The following FRAS1 variants were observed in gnomAD, a reference collection of about 807,000 sequenced individuals.
FRAS1 encodes the protein extracellular matrix organizing protein FRAS1.
Under a neutral mutation model 435.2 loss-of-function variants are expected in FRAS1, and 290 were observed. The ratio of observed to expected loss-of-function variants is 0.67; its 90% CI spans 0.61 to 0.73. FRAS1 has a LOEUF of 0.73. Among genes scored for constraint, FRAS1 ranks in the 30% least tolerant of loss-of-function variants. FRAS1 has a pLI of 0.00. For synonymous variants in FRAS1, 1,800 were observed against 1,851.0 expected, an observed-to-expected ratio of 0.97 and a Z score of 0.71; for missense variants, 4,860 against 5,001.5, an observed-to-expected ratio of 0.97 and a Z score of 0.85.
intron 10 of FRAS1, among the ~76,000 whole-genome samples, chr4:78,279,680 A>T (rs886880052): frequency 6.6e-6 from 1 of 152,144 alleles, no homozygotes; most frequent in African/African-American, 2.4e-5. Context: ...AAGGAAATAT[A>T]TTTATCTTAA....
At chr4:78,372,968 C>A in intron 24 of FRAS1, 110 bp downstream of exon 24, 1 of 1,257,000 alleles carries the variant, frequency 8.0e-7, no homozygotes, top group African/African-American at 1.5e-5. Flanking sequence ...CTTTTTACCC[C>A]ATTTCTGGTT....
intron 2 of FRAS1, among the ~76,000 whole-genome samples, chr4:78,231,814 T>C (rs1385569769): frequency 6.6e-6 from 1 of 152,072 alleles, no homozygotes; most frequent in Non-Finnish European, 1.5e-5. Flanking sequence ...CTTTGAAGTA[T>C]TTGGGGATGG....
chr4:78,271,979 C>G (rs1297585721), intron 9 of FRAS1, among the ~76,000 whole-genome samples: 3 of 152,244 alleles, frequency 2.0e-5, no homozygotes, highest in South Asian at 4.2e-4. Context: ...AGCACCTGTT[C>G]TTTCCTGACT....
intron 2 of FRAS1, among the ~76,000 whole-genome samples, chr4:78,143,067 C>T (rs1720260281): frequency 6.6e-6 from 1 of 151,996 alleles, no homozygotes; most frequent in Non-Finnish European, 1.5e-5. Context: ...CAAAGTTTAT[C>T]AGATTGGAAA....
At chr4:78,361,042 G>A (rs184626671) in intron 20 of FRAS1, among the ~76,000 whole-genome samples, 1 of 152,346 alleles carries the variant, frequency 6.6e-6, no homozygotes, top group East Asian at 1.9e-4. Flanking sequence ...CTTTAAAGAG[G>A]ATAGGCCATG....
At position 78,286,372 on chromosome 4, in the gene FRAS1, C is replaced by T. The variant is rs369822551; in HGVS notation, c.1400-33C>T. 3.3e-5 allele frequency: 54 copies of T among 1,612,054 alleles called. No individual in the cohort carries two copies. The African/African-American group carries it at 4.1e-4, about 12-fold the overall frequency. On this transcript the variant is annotated intron_variant, in intron 13 of 73. Coordinates refer to ENST00000512123, the MANE Select transcript of FRAS1 (RefSeq NM_025074.7). Reference sequence around the variant, plus strand: ...GTGTCTTTCAGCTAATCAAATGGTTCCTTTCTCTTTCTTCAACATTATCTG... The same window carrying T: ...GTGTCTTTCAGCTAATCAAATGGTTTCTTTCTCTTTCTTCAACATTATCTG...
intron 16 of FRAS1, among the ~76,000 whole-genome samples, chr4:78,316,967 G>C (rs1729283306): frequency 6.6e-6 from 1 of 151,928 alleles, no homozygotes; most frequent in South Asian, 2.1e-4. Context: ...GGTCCAGACA[G>C]ACCTAGGGCT....
chr4:78,497,216 A>AAGGTGCACATTAAAAAAT (rs1720533460), intron 60 of FRAS1, among the ~76,000 whole-genome samples: 2 of 152,158 alleles, frequency 1.3e-5, no homozygotes, highest in South Asian at 4.1e-4. Flanking sequence ...AAAAGCTGAG[A>AAGGTGCACATTAAAAAAT]CAGAAATGCT....
At chr4:78,208,166 A>G (rs1723342326) in intron 2 of FRAS1, among the ~76,000 whole-genome samples, 1 of 152,072 alleles carries the variant, frequency 6.6e-6, no homozygotes, top group Non-Finnish European at 1.5e-5. Flanking sequence ...TGATAGACCA[A>G]CTGGGCGGGT....
At position 78,068,640 on chromosome 4, in the gene FRAS1, G is replaced by A. The variant is rs1370789533; in HGVS notation, c.108+2624G>A. The stretch of plus-strand genomic sequence containing the variant: ...AATTAAACTGCTGAAATGAGAGTGT[G>A]CTTGTTTCCAGGGAAACTATATTAA... On this transcript the variant is annotated intron_variant, in intron 2 of 73. Coordinates refer to ENST00000512123, the MANE Select transcript of FRAS1 (RefSeq NM_025074.7). 8.8e-6 allele frequency: 4 copies of A among 455,868 alleles called. No homozygotes were observed. In the Admixed American group the frequency reaches 9.4e-5, roughly 11 times the overall value. The allele number at this position is 455,868 out of a possible 1,614,324, so 28.2% of individuals were successfully genotyped here. A position where few individuals can be genotyped will look rare whatever the true frequency, so the allele number is the denominator to read the frequency against.
Position 78,522,782 on chromosome 4 carries a change from C to A in FRAS1, c.10782C>A (p.Leu3594=). 6.2e-7 allele frequency: 1 copy of A among 1,611,382 alleles called. No individual in the cohort carries two copies. Among genetic ancestry groups the A allele is most frequent in the East Asian group, 2.2e-5 (1 of 44,754 alleles). The change falls in exon 69 of 74, where the codon CTC becomes CTA. Residue 3594 remains leucine, a synonymous_variant. Transcript: ENST00000512123. ...SAQTFDSPHQ[L]WRATSSYNRK... ...AGACTTTTGATTCTCCACATCAACTCTGGAGAGCCACAAGCTCTTATAACA... is the reference window on the plus strand; with the variant it reads ...AGACTTTTGATTCTCCACATCAACTATGGAGAGCCACAAGCTCTTATAACA...
chr4:78,249,066 T>TATATATATATATATGC lies in FRAS1; in HGVS notation c.310-3312_310-3311insGCATATATATATATAT, dbSNP rs1164447104. Among the ~76,000 whole-genome samples, 32 of 97,298 alleles carry TATATATATATATATGC rather than the reference T, an allele frequency of 3.3e-4. 1 individual carries two copies. Among genetic ancestry groups the TATATATATATATATGC allele is most frequent in the Non-Finnish European group, 4.8e-4 (22 of 45,904 alleles). The allele number at this position is 97,298 out of a possible 152,430, so 63.8% of individuals were successfully genotyped here. On this transcript the variant is annotated intron_variant, in intron 4 of 73. Transcript: ENST00000512123. Reference sequence around the variant, plus strand: ...AACTACTGATATATATATATATGCATATATATATATATATATATATGCATG... The same window carrying TATATATATATATATGC: ...AACTACTGATATATATATATATGCATATATATATATATATGCATATATATATATATATATATGCATG...
intron 1 of FRAS1, among the ~76,000 whole-genome samples, chr4:78,065,363 T>C (rs1022030695): frequency 6.6e-6 from 1 of 151,658 alleles, no homozygotes; most frequent in African/African-American, 2.4e-5. Flanking sequence ...GTGGGGTAAA[T>C]ACAACATTTC....
chr4:78,468,821 C>A (rs193003780), intron 50 of FRAS1, among the ~76,000 whole-genome samples: 1 of 152,222 alleles, frequency 6.6e-6, no homozygotes, highest in Non-Finnish European at 1.5e-5. Flanking sequence ...CATATGTACA[C>A]CTTTCTATAC....
intron 2 of FRAS1, among the ~76,000 whole-genome samples, chr4:78,113,500 A>AC (rs1455852402): frequency 6.6e-6 from 1 of 152,056 alleles, no homozygotes; most frequent in African/African-American, 2.4e-5. Context: ...TTGTTTCCTG[A>AC]CTTTTTAATG....
At chr4:78,112,011 T>G (rs1449538924) in intron 2 of FRAS1, among the ~76,000 whole-genome samples, 1 of 152,120 alleles carries the variant, frequency 6.6e-6, no homozygotes, top group Non-Finnish European at 1.5e-5. Context: ...AAAAAAGCAA[T>G]TTTTGGAATC....
chr4:78,474,933 A>G (rs1173616614), intron 53 of FRAS1, among the ~76,000 whole-genome samples: 2 of 152,180 alleles, frequency 1.3e-5, no homozygotes, highest in Admixed American at 1.3e-4. Context: ...CTATTTGTCT[A>G]AACATCTCTG....
chr4:78,477,165 C>G (rs1312491272), intron 54 of FRAS1, among the ~76,000 whole-genome samples: 1 of 152,060 alleles, frequency 6.6e-6, no homozygotes, highest in Non-Finnish European at 1.5e-5. Context: ...ATGTAATTTT[C>G]TATGAATTTA....
At chr4:78,086,134 C>T (rs1206099812) in intron 2 of FRAS1, among the ~76,000 whole-genome samples, 1 of 152,158 alleles carries the variant, frequency 6.6e-6, no homozygotes, top group Non-Finnish European at 1.5e-5. Flanking sequence ...CTCAAAACTG[C>T]TCAACTACAT....
Sources: gnomAD v4.1 joint callset for allele counts (sites outside exome capture counted in the v4.1 genomes callset) on GRCh38, gnomAD v4.1.1 for gene constraint, MANE v1.5 for transcripts, NCBI Gene and HGNC (gene_info 2026-07-23, HGNC 2026-07-21) for gene names.